Variants in CAMSAP1 observed in about 807,000 individuals in gnomAD.
The protein encoded by CAMSAP1 is calmodulin-regulated spectrin-associated protein 1.
CAMSAP1 carries 58 observed loss-of-function variants against 143.5 expected under a neutral mutation model. That is an observed-to-expected ratio of 0.40 (90% CI 0.33 to 0.50). CAMSAP1 has a LOEUF of 0.50. Among genes scored for constraint, CAMSAP1 ranks in the 20% least tolerant of loss-of-function variants. The pLI is 0.45. For missense variants in CAMSAP1, 1,969 were observed against 2,115.7 expected (o/e 0.93, Z 1.36); for synonymous variants, 945 against 859.3 (o/e 1.10, Z -1.74).
intron 3 of CAMSAP1, among the ~76,000 whole-genome samples, chr9:135,870,868 T>C (rs12348014): frequency 0.016 from 2,461 of 152,338 alleles, 65 homozygotes; most frequent in African/African-American, 0.055. Flanking sequence ...GTTTATGGCA[T>C]GTAAATTATA....
intron 7 of CAMSAP1, among the ~76,000 whole-genome samples, chr9:135,834,302 G>T (rs534055872): frequency 6.6e-6 from 1 of 152,198 alleles, no homozygotes; most frequent in African/African-American, 2.4e-5. Context: ...CCCTCTTCTG[G>T]GTATATATCC....
chr9:135,833,510 G>A (rs955592224), intron 7 of CAMSAP1, among the ~76,000 whole-genome samples: 1 of 151,810 alleles, frequency 6.6e-6, no homozygotes, highest in African/African-American at 2.4e-5. Flanking sequence ...ACAGAATTGA[G>A]GTATACGGTT....
intron 3 of CAMSAP1, among the ~76,000 whole-genome samples, chr9:135,873,535 G>A (rs1837633702): frequency 6.6e-6 from 1 of 152,028 alleles, no homozygotes; most frequent in Non-Finnish European, 1.5e-5. Context: ...TGATAAATCG[G>A]ACTAATCAAG....
intron 2 of CAMSAP1, 51 bp from the exon 3 acceptor site, chr9:135,881,845 G>C (rs969348245): frequency 8.4e-6 from 13 of 1,540,546 alleles, no homozygotes; most frequent in Middle Eastern, 3.4e-4. Flanking sequence ...CCTCTTACCA[G>C]GTTCTGATGC....
intron 7 of CAMSAP1, among the ~76,000 whole-genome samples, chr9:135,844,584 C>A (rs1836483107): frequency 1.3e-5 from 2 of 152,102 alleles, no homozygotes; most frequent in South Asian, 4.1e-4. Flanking sequence ...AATCCAGGAG[C>A]TGGTTTTTTG....
At position 135,823,241 on chromosome 9, in the gene CAMSAP1, G is replaced by A; in HGVS notation, c.1420C>T (p.Pro474Ser). The change falls in exon 11 of 17, where the codon CCT becomes TCT. Residue 474 changes from proline to serine, a missense_variant. Coordinates refer to ENST00000389532, the MANE Select transcript of CAMSAP1 (RefSeq NM_015447.4). Reference protein sequence around the residue: ...KKTRPASQPTPFALHHAASCE... With the variant: ...KKTRPASQPTSFALHHAASCE... Reference sequence around the variant, plus strand: ...CTCGCAGCGTGATGTAGAGCAAAAGGTGTTGGCTGGGACGCAGGCCTGAAA... The same window carrying A: ...CTCGCAGCGTGATGTAGAGCAAAAGATGTTGGCTGGGACGCAGGCCTGAAA... 6.4e-7 allele frequency: 1 copy of A among 1,554,278 alleles called. No homozygotes were observed. Among genetic ancestry groups the A allele is most frequent in the African/African-American group, 1.4e-5 (1 of 73,518 alleles).
chr9:135,839,886 G>A (rs936658176), intron 7 of CAMSAP1, among the ~76,000 whole-genome samples: 3 of 152,026 alleles, frequency 2.0e-5, no homozygotes, highest in African/African-American at 7.2e-5. Context: ...GTTAACAGTG[G>A]GTCAACTGGG....
chr9:135,872,351 C>A (rs928365063), intron 3 of CAMSAP1, among the ~76,000 whole-genome samples: 1 of 152,086 alleles, frequency 6.6e-6, no homozygotes, highest in Non-Finnish European at 1.5e-5. Flanking sequence ...CTTTGACTTG[C>A]AGGCAGCCTG....
intron 1 of CAMSAP1, among the ~76,000 whole-genome samples, chr9:135,901,797 G>C (rs1838627133): frequency 6.6e-6 from 1 of 152,112 alleles, no homozygotes. Context: ...CATCATCAAA[G>C]AAATCCCCAG....
chr9:135,879,031 G>A (rs1837844185), intron 3 of CAMSAP1, among the ~76,000 whole-genome samples: 1 of 152,164 alleles, frequency 6.6e-6, no homozygotes, highest in African/African-American at 2.4e-5. Context: ...CCTGACCACA[G>A]GAACATCAAG....
In CAMSAP1 at chr9:135,809,298, C is replaced by G. The variant is rs577527683; in HGVS notation, c.*2011G>C. The G allele has an allele frequency of 2.6e-5, 4 of 152,194 alleles. No individual in the cohort carries two copies. The highest frequency in any genetic ancestry group is 4.4e-5 in the Non-Finnish European group (3 of 68,040). The allele number at this position is 152,194 out of a possible 1,614,324, so 9.4% of individuals were successfully genotyped here. On this transcript the variant is annotated 3_prime_UTR_variant, in exon 17 of 17. Coordinates refer to ENST00000389532, the MANE Select transcript of CAMSAP1 (RefSeq NM_015447.4). ...TGTCCATGCCACATTAGTGCTTACT[C>G]GCAACGAACAGTGAAAACTACACGC...
At chr9:135,898,146 A>T (rs1838512612) in intron 1 of CAMSAP1, among the ~76,000 whole-genome samples, 1 of 152,174 alleles carries the variant, frequency 6.6e-6, no homozygotes, top group African/African-American at 2.4e-5. Context: ...AAGGAAGCAG[A>T]AGGGAAGGAG....
intron 1 of CAMSAP1, among the ~76,000 whole-genome samples, chr9:135,903,092 C>T (rs1308643683): frequency 6.6e-6 from 1 of 152,242 alleles, no homozygotes; most frequent in Non-Finnish European, 1.5e-5. Context: ...CTAGATACCT[C>T]TGAGTTTCCT....
At chr9:135,863,773 C>T (rs1031054359) in intron 4 of CAMSAP1, among the ~76,000 whole-genome samples, 1 of 152,132 alleles carries the variant, frequency 6.6e-6, no homozygotes, top group Non-Finnish European at 1.5e-5. Context: ...AAACGTGACC[C>T]GCCTCATACT....
At chr9:135,812,012 A>AG (rs1310824107) in intron 16 of CAMSAP1, among the ~76,000 whole-genome samples, 1 of 152,184 alleles carries the variant, frequency 6.6e-6, no homozygotes, top group African/African-American at 2.4e-5. Context: ...AAGGATACAG[A>AG]GCACAGCAGC....
In CAMSAP1 at chr9:135,809,674, C is replaced by T. The variant is rs971113121; in HGVS notation, c.*1635G>A. The T allele has an allele frequency of 6.6e-6, 1 of 152,540 alleles. No individual in the cohort carries two copies. The highest frequency in any genetic ancestry group is 2.4e-5 in the African/African-American group (1 of 41,402). The allele number at this position is 152,540 out of a possible 1,614,324, so 9.4% of individuals were successfully genotyped here. A position where few individuals can be genotyped will look rare whatever the true frequency, so the allele number is the denominator to read the frequency against. ...TCAAACATACAGTGAGAAATAAAGC[C>T]CACGTGTGAAAGTATGGTAACAGAA... On this transcript the variant is annotated 3_prime_UTR_variant, in exon 17 of 17. Transcript: ENST00000389532.
chr9:135,821,543 T>TCTCTG lies in CAMSAP1; in HGVS notation c.3117_3118insCAGAG (p.Lys1040GlnfsTer12). ...AGCTGCTCTTGCTGCTGAGAGATTT[T>TCTCTG]CAGGATGGCCTGCTGCAGCGTACTG... is the stretch of plus-strand genomic sequence containing the variant. On this transcript the variant is annotated frameshift_variant, in exon 11 of 17. Coordinates refer to ENST00000389532, the MANE Select transcript of CAMSAP1 (RefSeq NM_015447.4). LOFTEE classifies it high-confidence loss of function. The surrounding 1 kb of genome is among the most constrained non-coding windows in gnomAD (Gnocchi z 4.6). 1 of 1,614,034 alleles carries TCTCTG rather than the reference T, an allele frequency of 6.2e-7. No individual in the cohort carries two copies. The highest frequency in any genetic ancestry group is 8.5e-7 in the Non-Finnish European group (1 of 1,179,898).
intron 7 of CAMSAP1, among the ~76,000 whole-genome samples, chr9:135,833,078 CTTTTT>C (rs56081448): frequency 3.1e-5 from 3 of 96,532 alleles, no homozygotes; most frequent in Admixed American, 1.2e-4. Flanking sequence ...CCACAGTAAT[CTTTTT>C]TTTTTTTTTT....
At chr9:135,837,783 G>A (rs1475851945) in intron 7 of CAMSAP1, among the ~76,000 whole-genome samples, 6 of 117,996 alleles carry the variant, frequency 5.1e-5, no homozygotes, top group South Asian at 2.9e-4. Flanking sequence ...ACTTTCTACC[G>A]GTTCTACAGA....
Sources: gnomAD v4.1 joint callset for allele counts (sites outside exome capture counted in the v4.1 genomes callset) on GRCh38, gnomAD v4.1.1 for gene constraint, Gnocchi (gnomAD v3.1) non-coding constraint, MANE v1.5 for transcripts, NCBI Gene and HGNC (gene_info 2026-07-23, HGNC 2026-07-21) for gene names.